Variants in SCEL observed in about 807,000 individuals in gnomAD.
SCEL encodes the protein sciellin.
A neutral mutation model predicts 117.6 loss-of-function variants in SCEL; 113 were observed. The ratio of observed to expected loss-of-function variants is 0.96; its 90% CI spans 0.83 to 1.12. SCEL has a LOEUF of 1.12. Ranked by LOEUF, SCEL falls within the 50% of genes most tolerant of loss-of-function variation. The pLI is 0.00. For missense variants in SCEL, 785 were observed against 810.8 expected (o/e 0.97, Z 0.39); for synonymous variants, 270 against 256.2 (o/e 1.05, Z -0.51).
intron 1 of SCEL, among the ~76,000 whole-genome samples, chr13:77,547,138 A>G (rs966104960): frequency 3.9e-5 from 6 of 152,188 alleles, no homozygotes; most frequent in African/African-American, 1.4e-4. Flanking sequence ...CCAGATCATC[A>G]TGACTGGACC....
At chr13:77,587,207 C>T (rs1413054238) in intron 9 of SCEL, among the ~76,000 whole-genome samples, 4 of 152,026 alleles carry the variant, frequency 2.6e-5, no homozygotes, top group African/African-American at 7.2e-5. Context: ...AGTCAATGAA[C>T]GTACCCCAGC....
At chr13:77,561,662 C>T (rs1309402553) in intron 4 of SCEL, among the ~76,000 whole-genome samples, 1 of 152,158 alleles carries the variant, frequency 6.6e-6, no homozygotes, top group Non-Finnish European at 1.5e-5. Flanking sequence ...TAATCTTTGA[C>T]CTGAAAATAT....
chr13:77,576,857 C>G (rs1182244366), intron 9 of SCEL, among the ~76,000 whole-genome samples: 1 of 152,116 alleles, frequency 6.6e-6, no homozygotes, highest in African/African-American at 2.4e-5. Flanking sequence ...CTTCGCTTCC[C>G]TTGTTAGCTG....
intron 9 of SCEL, among the ~76,000 whole-genome samples, chr13:77,583,747 C>A (rs530294179): frequency 1.6e-4 from 24 of 152,132 alleles, no homozygotes; most frequent in Non-Finnish European, 3.2e-4. Flanking sequence ...ATATTAGAGA[C>A]AATGATTCTG....
In SCEL at chr13:77,567,910, T is replaced by A. The variant is rs969112910; in HGVS notation, c.359+162T>A. On this transcript the variant is annotated intron_variant, in intron 6 of 32. Coordinates refer to ENST00000349847, the MANE Select transcript of SCEL (RefSeq NM_144777.3). ...CTAGAATAAAACCTTGTTGTTTAGC[T>A]TAAGAATCAAGAGCACTTGTAGCTC... Among the ~76,000 whole-genome samples, 32 of 152,248 alleles carry A rather than the reference T, an allele frequency of 2.1e-4. 1 individual carries two copies. Among genetic ancestry groups the A allele is most frequent in the Admixed American group, 8.5e-4 (13 of 15,282 alleles).
intron 12 of SCEL, among the ~76,000 whole-genome samples, chr13:77,594,955 T>A (rs1399176846): frequency 6.6e-6 from 1 of 152,222 alleles, no homozygotes; most frequent in African/African-American, 2.4e-5. Flanking sequence ...ATGTTTCATT[T>A]CCATGTCTTC....
At chr13:77,597,282 C>G (rs2154400926) in intron 12 of SCEL, among the ~76,000 whole-genome samples, 1 of 151,962 alleles carries the variant, frequency 6.6e-6, no homozygotes, top group Middle Eastern at 3.4e-3. Context: ...AGTATAGTCA[C>G]AGAACTGTCA....
At chr13:77,622,132 A>G (rs758817675) in intron 27 of SCEL, among the ~76,000 whole-genome samples, 80 of 152,308 alleles carry the variant, frequency 5.3e-4, no homozygotes, top group Admixed American at 3.0e-3. Context: ...ACTAACGCCT[A>G]ATGCCTAAGA....
Position 77,618,023 on chromosome 13 carries a change from A to G in SCEL, c.1591A>G (p.Ile531Val), listed in dbSNP as rs2089184845. 6.2e-7 allele frequency: 1 copy of G among 1,613,336 alleles called. No individual in the cohort carries two copies. The highest frequency in any genetic ancestry group is 8.5e-7 in the Non-Finnish European group (1 of 1,179,362). ...NNQSQDLDNLIKVKPSALRNT... is the reference protein window; with the variant it reads ...NNQSQDLDNLVKVKPSALRNT... ...AAACAGCCAAGACTTGGACAATCTT[A>G]TTAAAGTGAAACCTTCAGCTCTTAG... Residue 531 changes from isoleucine to valine, a missense_variant, in exon 27 of 33, where the codon ATT becomes GTT. Physicochemically the swap from Ile to Val is conservative, Grantham distance 29. Transcript: ENST00000349847.
chr13:77,617,746 A>G (rs1340439001), intron 25 of SCEL, 57 bp from the exon 26 acceptor site: 1 of 1,500,400 alleles, frequency 6.7e-7, no homozygotes, highest in East Asian at 2.3e-5. Context: ...AACCTTAATG[A>G]TATTACCAAA....
At chr13:77,616,491 T>C (rs1410778135) in intron 24 of SCEL, among the ~76,000 whole-genome samples, 1 of 152,032 alleles carries the variant, frequency 6.6e-6, no homozygotes, top group East Asian at 1.9e-4. Flanking sequence ...TTTAATAGTA[T>C]TTATAGATAT....
intron 1 of SCEL, among the ~76,000 whole-genome samples, chr13:77,540,593 A>G (rs752497485): frequency 1.7e-4 from 26 of 152,170 alleles, no homozygotes; most frequent in Non-Finnish European, 3.5e-4. Flanking sequence ...GGTTGAGGGA[A>G]GTTCAGGAAG....
At chr13:77,600,600 A>T (rs1013026625) in intron 15 of SCEL, among the ~76,000 whole-genome samples, 4 of 152,126 alleles carry the variant, frequency 2.6e-5, no homozygotes, top group Admixed American at 2.6e-4. Context: ...AACTGAACTG[A>T]TAGCATTTAA....
In SCEL at chr13:77,597,925, T is replaced by C. The variant is rs374040481; in HGVS notation, c.797+336T>C. Among the ~76,000 whole-genome samples the C allele has an allele frequency of 4.6e-5, 7 of 152,154 alleles. No individual in the cohort carries two copies. In the South Asian group the frequency reaches 6.2e-4, roughly 14 times the overall value. On this transcript the variant is annotated intron_variant, in intron 13 of 32. Transcript: ENST00000349847. ...CATGGAATAATTTTAGTTTAACCAT[T>C]ACAAAAAACATTTTATTATCATAGT...
intron 5 of SCEL, among the ~76,000 whole-genome samples, chr13:77,564,766 C>A (rs1869415557): frequency 6.6e-6 from 1 of 152,196 alleles, no homozygotes; most frequent in South Asian, 2.1e-4. Context: ...CCAATAGATT[C>A]TAAACTCAGA....
At chr13:77,623,793 T>C (rs533900790) in intron 27 of SCEL, among the ~76,000 whole-genome samples, 1 of 152,290 alleles carries the variant, frequency 6.6e-6, no homozygotes, top group East Asian at 1.9e-4. Context: ...ATGCAGTATC[T>C]ATAGCAGCCA....
intron 22 of SCEL, among the ~76,000 whole-genome samples, chr13:77,612,237 A>G (rs1260613855): frequency 6.6e-6 from 1 of 152,110 alleles, no homozygotes; most frequent in African/African-American, 2.4e-5. Context: ...CATTACTGTG[A>G]TAACAGCAGC....
intron 9 of SCEL, among the ~76,000 whole-genome samples, chr13:77,578,064 TAGTCATTC>T (rs2086056313): frequency 1.3e-5 from 2 of 152,178 alleles, no homozygotes; most frequent in African/African-American, 2.4e-5. Flanking sequence ...TTTTCTTGTG[TAGTCATTC>T]AGTCATTCAG....
chr13:77,538,803 A>G (rs1218447019), intron 1 of SCEL, among the ~76,000 whole-genome samples: 1 of 152,222 alleles, frequency 6.6e-6, no homozygotes, highest in Non-Finnish European at 1.5e-5. Flanking sequence ...CCCTGACTCT[A>G]AAATGTGATT....
Sources: allele counts gnomAD v4.1 joint callset (sites outside exome capture counted in the v4.1 genomes callset), GRCh38; gene constraint gnomAD v4.1.1; transcripts MANE v1.5; gene names NCBI Gene and HGNC (gene_info 2026-07-23, HGNC 2026-07-21).